Variants in MAJIN observed in about 807,000 individuals in gnomAD.
MAJIN encodes the protein membrane anchored junction protein, also known as membrane-anchored junction protein.
In MAJIN, 27 loss-of-function variants were observed where a neutral mutation model predicts 30.2. The ratio of observed to expected loss-of-function variants is 0.89; its 90% CI spans 0.66 to 1.23. The LOEUF (loss-of-function observed/expected upper bound fraction) is 1.23, where lower values mean the gene tolerates loss of function less well. MAJIN is among the 50% of genes most tolerant of loss of function. The probability of loss-of-function intolerance (pLI) is 0.00; values close to 1 mark genes in which losing one functional copy is unlikely to be tolerated. For synonymous variants in MAJIN, 78 were observed against 91.6 expected, an observed-to-expected ratio of 0.85 and a Z score of 0.85; for missense variants, 253 against 260.3, an observed-to-expected ratio of 0.97 and a Z score of 0.19.
chr11:64,951,279 T>C (rs1019673899), intron 4 of MAJIN, among the ~76,000 whole-genome samples: 1 of 152,238 alleles, frequency 6.6e-6, no homozygotes, highest in African/African-American at 2.4e-5. Context: ...TTTGTTTAAG[T>C]CAAACCTTTT....
rs569834043 is a variant in MAJIN at position 64,953,652 on chromosome 11, G to A, written c.147+1105C>T. On this transcript the variant is annotated intron_variant, in intron 4 of 10. Transcript: ENST00000301896. ...CTAAAAATACAAAAATTAGCTGGGC[G>A]TGGTGGTGCACATCGGTAGTCCCAG... is the stretch of plus-strand genomic sequence containing the variant. 1.2e-4 allele frequency among the ~76,000 whole-genome samples: 18 copies of A among 152,260 alleles called. 2 individuals carry two copies. Among genetic ancestry groups the A allele is most frequent in the Admixed American group, 8.5e-4 (13 of 15,292 alleles).
chr11:64,943,061 CATT>C (rs1427368244), intron 8 of MAJIN, among the ~76,000 whole-genome samples: 1 of 152,102 alleles, frequency 6.6e-6, no homozygotes, highest in East Asian at 1.9e-4. Flanking sequence ...AGAGAGAAAA[CATT>C]ATAGCTGGAA....
intron 1 of MAJIN, among the ~76,000 whole-genome samples, chr11:64,961,379 C>G (rs994136776): frequency 2.0e-5 from 3 of 151,158 alleles, no homozygotes; most frequent in Non-Finnish European, 4.4e-5. Flanking sequence ...GTTGGCCAGA[C>G]TGGTCTTGAA....
At chr11:64,948,731 A>G (rs1360916596) in intron 6 of MAJIN, among the ~76,000 whole-genome samples, 1 of 129,826 alleles carries the variant, frequency 7.7e-6, no homozygotes, top group Non-Finnish European at 1.6e-5. Context: ...ATCTCAGCTC[A>G]CTGCAATCTC....
intron 5 of MAJIN, 73 bp from the exon 6 acceptor site, chr11:64,949,941 C>CTCTCTCCTTCCCCTGACCT (rs2136756251): frequency 1.3e-6 from 2 of 1,545,100 alleles, no homozygotes; most frequent in East Asian, 4.5e-5. Context: ...GGATGAGACT[C>CTCTCTCCTTCCCCTGACCT]TCTCTCCTTC....
At position 64,938,540 on chromosome 11, in the gene MAJIN, C is replaced by G; in HGVS notation, c.*35G>C. 1 of 1,535,926 alleles carries G rather than the reference C, an allele frequency of 6.5e-7. No individual in the cohort carries two copies. The highest frequency in any genetic ancestry group is 8.7e-7 in the Non-Finnish European group (1 of 1,146,776). ...TTTGGAAGGCTCAAGAGTGGCTGCTCTTCCTGAAGAAATATCGAAACGGGA... is the reference window on the plus strand; with the variant it reads ...TTTGGAAGGCTCAAGAGTGGCTGCTGTTCCTGAAGAAATATCGAAACGGGA... On this transcript the variant is annotated 3_prime_UTR_variant, in exon 11 of 11. Coordinates refer to ENST00000301896, the MANE Select transcript of MAJIN (RefSeq NM_001037225.3).
chr11:64,940,855 T>TTTTTTTTTTTTTTA (rs1945366932), intron 8 of MAJIN, among the ~76,000 whole-genome samples: 1 of 145,222 alleles, frequency 6.9e-6, no homozygotes, highest in Admixed American at 6.9e-5. Context: ...TTTTTTTTTT[T>TTTTTTTTTTTTTTA]TGAGACTGAA....
chr11:64,938,351 A>C lies in MAJIN; in HGVS notation c.*224T>G, dbSNP rs1227116402. The C allele has an allele frequency of 7.6e-6, 5 of 656,766 alleles. No individual in the cohort carries two copies. The highest frequency in any genetic ancestry group is 1.2e-5 in the Non-Finnish European group (5 of 401,594). 40.7% of individuals were successfully genotyped at this position (656,766 alleles called of 1,614,324 possible). A position where few individuals can be genotyped will look rare whatever the true frequency, so the allele number is the denominator to read the frequency against. On this transcript the variant is annotated 3_prime_UTR_variant, in exon 11 of 11. Transcript: ENST00000301896. ...CATTCTTAATGTTTTAAATTGGGGG[A>C]AAAAATCTATTATAAAGGGGCAAAG...
intron 8 of MAJIN, chr11:64,946,004 C>T: frequency 7.6e-7 from 1 of 1,316,570 alleles, no homozygotes; most frequent in Non-Finnish European, 1.0e-6. Context: ...GTGCTGGTAA[C>T]CGGAATCCTG....
intron 8 of MAJIN, among the ~76,000 whole-genome samples, chr11:64,947,028 G>A (rs911058907): frequency 6.6e-6 from 1 of 152,096 alleles, no homozygotes; most frequent in African/African-American, 2.4e-5. Flanking sequence ...GTTTCCCTAT[G>A]TTTTTGTAAA....
chr11:64,938,401 C>T lies in MAJIN; in HGVS notation c.*174G>A. The T allele has an allele frequency of 9.3e-7, 1 of 1,074,874 alleles. No homozygotes were observed. Among genetic ancestry groups the T allele is most frequent in the South Asian group, 1.4e-5 (1 of 73,006 alleles). 66.6% of individuals were successfully genotyped at this position (1,074,874 alleles called of 1,614,324 possible). ...GGACACGATAAAACCACAGAGGACTCAGCATGGGGACCTCATTCCCCACGA... is the reference window on the plus strand; with the variant it reads ...GGACACGATAAAACCACAGAGGACTTAGCATGGGGACCTCATTCCCCACGA... On this transcript the variant is annotated 3_prime_UTR_variant, in exon 11 of 11. Coordinates refer to ENST00000301896, the MANE Select transcript of MAJIN (RefSeq NM_001037225.3).
chr11:64,945,370 CAAACAAAA>C (rs1029748734), intron 8 of MAJIN, among the ~76,000 whole-genome samples: 2 of 151,804 alleles, frequency 1.3e-5, no homozygotes, highest in South Asian at 4.2e-4. Context: ...AACAAACAAA[CAAACAAAA>C]AAACAAAAAC....
intron 2 of MAJIN, 79 bp downstream of exon 2, chr11:64,960,010 C>G (rs1945698531): frequency 6.6e-6 from 1 of 152,340 alleles, no homozygotes; most frequent in Non-Finnish European, 1.5e-5. Context: ...TTTTCCAGAT[C>G]TATCAATTAC....
intron 4 of MAJIN, 124 bp from the exon 5 acceptor site, chr11:64,950,554 C>T (rs1176991639): frequency 2.6e-6 from 2 of 780,194 alleles, no homozygotes; most frequent in Non-Finnish European, 4.1e-6. Flanking sequence ...GTTCCTTTAA[C>T]ACGTGTTCTG....
chr11:64,948,641 T>A (rs9666996), intron 6 of MAJIN, among the ~76,000 whole-genome samples: 320 of 9,308 alleles, frequency 0.034, no homozygotes, highest in Non-Finnish European at 0.037. Flanking sequence ...ATATATATAT[T>A]TTTTTTTTTT....
At chr11:64,941,032 G>T (rs1379055434) in intron 8 of MAJIN, among the ~76,000 whole-genome samples, 1 of 151,464 alleles carries the variant, frequency 6.6e-6, no homozygotes, top group Non-Finnish European at 1.5e-5. Context: ...TAGAGACAGG[G>T]TTTCACCGTG....
chr11:64,945,869 A>G (rs1170956564), intron 8 of MAJIN, among the ~76,000 whole-genome samples: 1 of 152,232 alleles, frequency 6.6e-6, no homozygotes, highest in Non-Finnish European at 1.5e-5. Context: ...AAATTCATCG[A>G]TGCGTGTATT....
At chr11:64,955,972 G>C (rs1024644519) in intron 3 of MAJIN, among the ~76,000 whole-genome samples, 1 of 152,162 alleles carries the variant, frequency 6.6e-6, no homozygotes, top group African/African-American at 2.4e-5. Context: ...TTCGAGACCA[G>C]CCTGGCCAAC....
intron 8 of MAJIN, 40 bp downstream of exon 8, chr11:64,947,334 C>G: frequency 1.3e-6 from 2 of 1,550,812 alleles, no homozygotes; most frequent in Non-Finnish European, 1.8e-6. Flanking sequence ...CAAAGCCTAA[C>G]TAGGACGCAG....
Sources: gnomAD v4.1 joint callset for allele counts (sites outside exome capture counted in the v4.1 genomes callset) on GRCh38, gnomAD v4.1.1 for gene constraint, MANE v1.5 for transcripts, NCBI Gene and HGNC (gene_info 2026-07-23, HGNC 2026-07-21) for gene names.